The following SZT2 variants were observed in gnomAD, a reference collection of about 807,000 sequenced individuals.
SZT2 encodes the protein SZT2 subunit of KICSTOR complex.
In SZT2, 216 loss-of-function variants were observed where a neutral mutation model predicts 404.2. That is an observed-to-expected ratio of 0.53 (90% CI 0.48 to 0.60). The LOEUF (loss-of-function observed/expected upper bound fraction) is 0.60, where lower values mean the gene tolerates loss of function less well. Among genes scored for constraint, SZT2 ranks in the 20% least tolerant of loss-of-function variants. SZT2 has a pLI of 0.00. For synonymous variants in SZT2, 1,693 were observed against 1,749.9 expected, an observed-to-expected ratio of 0.97 and a Z score of 0.81; for missense variants, 3,857 against 4,459.2, an observed-to-expected ratio of 0.86 and a Z score of 3.85.
chr1:43,439,156 A>T lies in SZT2; in HGVS notation c.6792+63A>T, dbSNP rs1373045053. The T allele has an allele frequency of 4.4e-6, 7 of 1,602,622 alleles. No homozygotes were observed. In the Admixed American group the frequency reaches 6.7e-5, roughly 15 times the overall value. ...CCCCTGCCCCCTGCCCCACGCACTT[A>T]CTCTTTCCTACCGATACCCCTATAT... is the stretch of plus-strand genomic sequence containing the variant. On this transcript the variant is annotated intron_variant, in intron 48 of 71. Coordinates refer to ENST00000634258, the MANE Select transcript of SZT2 (RefSeq NM_001365999.1). This position sits in a 1 kb window ranked among gnomAD's most constrained non-coding sequence, Gnocchi z 4.2.
intron 70 of SZT2, chr1:43,449,901 T>A (rs1023067370): frequency 3.1e-6 from 2 of 645,126 alleles, no homozygotes; most frequent in African/African-American, 3.6e-5. Context: ...CTCATTCTGA[T>A]GCAGCTCAGA....
chr1:43,424,811 C>T lies in SZT2; in HGVS notation c.2499C>T (p.Phe833=), dbSNP rs777334279. The T allele has an allele frequency of 5.3e-5, 86 of 1,613,938 alleles. No individual in the cohort carries two copies. The Admixed American group carries it at 1.1e-3, about 21-fold the overall frequency. The change falls in exon 17 of 72, where the codon TTC becomes TTT. Residue 833 remains phenylalanine, a synonymous_variant. Transcript: ENST00000634258. The surrounding 1 kb of genome is among the most constrained non-coding windows in gnomAD (Gnocchi z 4.1). Reference sequence around the variant, plus strand: ...TCCGACTTTCTGAAGGATTCCACTTCGCCTGCAGTGGGGAAGGAATCATCA... The same window carrying T: ...TCCGACTTTCTGAAGGATTCCACTTTGCCTGCAGTGGGGAAGGAATCATCA... The part of the protein sequence containing the change: ...TEVRLSEGFH[F]ACSGEGIINM...
chr1:43,454,125 GT>G lies in SZT2; in HGVS notation c.*3647del. 1 of 872,034 alleles carries G rather than the reference GT, an allele frequency of 1.1e-6. No individual in the cohort carries two copies. Among genetic ancestry groups the G allele is most frequent in the South Asian group, 5.5e-5 (1 of 18,086 alleles). The allele number at this position is 872,034 out of a possible 1,614,324, so 54.0% of individuals were successfully genotyped here. A position where few individuals can be genotyped will look rare whatever the true frequency, so the allele number is the denominator to read the frequency against. ...AGAGAGCTGGCTGCCCGAGGGCCCG[GT>G]TGCAATGATGGGACGCGCACTTTAA... On this transcript the variant is annotated 3_prime_UTR_variant, in exon 72 of 72. Coordinates refer to ENST00000634258, the MANE Select transcript of SZT2 (RefSeq NM_001365999.1).
chr1:43,440,312 C>A, intron 51 of SZT2, 141 bp from the exon 52 acceptor site: 1 of 1,327,552 alleles, frequency 7.5e-7, no homozygotes, highest in Non-Finnish European at 1.0e-6. Context: ...CATGCAGCAG[C>A]ACACTATCAG....
Position 43,419,809 on chromosome 1 carries a change from G to A in SZT2, c.955G>A (p.Ala319Thr). Residue 319 changes from alanine to threonine, a missense_variant, in exon 8 of 72, where the codon GCA becomes ACA. Transcript: ENST00000634258. ...NVELMKFIAM[A>T]TFGSYLSTCP... Reference sequence around the variant, plus strand: ...GGAATTAATGAAGTTCATCGCAATGGCAACATTTGGGTCCTACCTGTCCAC... The same window carrying A: ...GGAATTAATGAAGTTCATCGCAATGACAACATTTGGGTCCTACCTGTCCAC... The A allele has an allele frequency of 6.3e-7, 1 of 1,598,474 alleles. No individual in the cohort carries two copies. The highest frequency in any genetic ancestry group is 8.5e-7 in the Non-Finnish European group (1 of 1,179,810).
At position 43,453,631 on chromosome 1, in the gene SZT2, C is replaced by G. The variant is rs749053928; in HGVS notation, c.*3151C>G. 1 of 1,494,632 alleles carries G rather than the reference C, an allele frequency of 6.7e-7. No individual in the cohort carries two copies. The allele number at this position is 1,494,632 out of a possible 1,614,324, so 92.6% of individuals were successfully genotyped here. On this transcript the variant is annotated 3_prime_UTR_variant, in exon 72 of 72. Coordinates refer to ENST00000634258, the MANE Select transcript of SZT2 (RefSeq NM_001365999.1). ...TTGATCAGTACAAGCCGCAGCCCCG[C>G]TTCTCGCGCGGCGCGCGCCAGCGCC...
At position 43,451,269 on chromosome 1, in the gene SZT2, TCCCA is replaced by T. The variant is rs779738884; in HGVS notation, c.*790_*793del. Reference sequence around the variant, plus strand: ...GCCAGCCTCTGGGTGGCCCCGCCTATCCCAGTATGAACGTAGCCAACTCAAGCCC... The same window carrying T: ...GCCAGCCTCTGGGTGGCCCCGCCTATGTATGAACGTAGCCAACTCAAGCCC... On this transcript the variant is annotated 3_prime_UTR_variant, in exon 72 of 72. Transcript: ENST00000634258. 8.9e-5 allele frequency: 144 copies of T among 1,613,934 alleles called. No individual in the cohort carries two copies. Among genetic ancestry groups the T allele is most frequent in the Non-Finnish European group, 1.2e-4 (136 of 1,180,022 alleles).
intron 65 of SZT2, 189 bp from the exon 66 acceptor site, chr1:43,446,764 TAC>T (rs1655720438): frequency 1.5e-6 from 1 of 649,626 alleles, no homozygotes; most frequent in Non-Finnish European, 2.6e-6. Context: ...TGGAGATAGT[TAC>T]AATACAGTAT....
At position 43,453,528 on chromosome 1, in the gene SZT2, T is replaced by C; in HGVS notation, c.*3048T>C. 1 of 1,532,016 alleles carries C rather than the reference T, an allele frequency of 6.5e-7. No individual in the cohort carries two copies. The allele number at this position is 1,532,016 out of a possible 1,614,324, so 94.9% of individuals were successfully genotyped here. ...GAGAGAACGGGCCTCAGCCCCCGGC[T>C]CGGACACTCCCCTGCCCGCGCCCCG... On this transcript the variant is annotated 3_prime_UTR_variant, in exon 72 of 72. Coordinates refer to ENST00000634258, the MANE Select transcript of SZT2 (RefSeq NM_001365999.1).
Position 43,441,180 on chromosome 1 carries a change from A to G in SZT2, c.7345-34A>G. 2 of 1,606,070 alleles carry G rather than the reference A, an allele frequency of 1.2e-6. No homozygotes were observed. The highest frequency in any genetic ancestry group is 1.7e-6 in the Non-Finnish European group (2 of 1,174,850). Reference sequence around the variant, plus strand: ...CCCATCCCACACCTTTCCTCTTCCCAGTAGCCCTTCCTCATTCACTGCATT... The same window carrying G: ...CCCATCCCACACCTTTCCTCTTCCCGGTAGCCCTTCCTCATTCACTGCATT... On this transcript the variant is annotated intron_variant, in intron 52 of 71. Coordinates refer to ENST00000634258, the MANE Select transcript of SZT2 (RefSeq NM_001365999.1). The surrounding 1 kb of genome is among the most constrained non-coding windows in gnomAD (Gnocchi z 4.8).
Position 43,404,400 on chromosome 1 carries a change from C to T in SZT2, c.348C>T (p.Ile116=). 6.2e-7 allele frequency: 1 copy of T among 1,613,612 alleles called. No individual in the cohort carries two copies. Among genetic ancestry groups the T allele is most frequent in the Non-Finnish European group, 8.5e-7 (1 of 1,179,806 alleles). The part of the protein sequence containing the change: ...TGIVDDSTGE[I]LFDEVFHALS... ...CTCAGGATGATTCCACAGGGGAGATCTTGTTTGATGAAGTTTTCCATGCCC... is the reference window on the plus strand; with the variant it reads ...CTCAGGATGATTCCACAGGGGAGATTTTGTTTGATGAAGTTTTCCATGCCC... Residue 116 remains isoleucine (I), a synonymous_variant, in exon 4 of 72, where the codon ATC becomes ATT. Coordinates refer to ENST00000634258, the MANE Select transcript of SZT2 (RefSeq NM_001365999.1).
chr1:43,434,163 C>T (rs1473093311), intron 40 of SZT2, among the ~76,000 whole-genome samples: 3 of 152,170 alleles, frequency 2.0e-5, no homozygotes, highest in Non-Finnish European at 4.4e-5. Flanking sequence ...AGCGTGGAGC[C>T]TCGGCATCCA....
rs143745300 is a variant in SZT2, at chr1:43,443,607, G to A, written c.8636G>A (p.Arg2879His). The change falls in exon 62 of 72, where the codon CGC (arginine) becomes CAC (histidine). Residue 2879 changes from arginine to histidine, a missense_variant. Arg to His is a conservative substitution (Grantham distance 29). Transcript: ENST00000634258. Reference sequence around the variant, plus strand: ...TCTTTACTCTCATAGCGGCGCCATCGCCCTGAGTCAGGGTCTGGGAGCCGA... The same window carrying A: ...TCTTTACTCTCATAGCGGCGCCATCACCCTGAGTCAGGGTCTGGGAGCCGA... ...SGPPDGQRRH[R>H]PESGSGSREA... 4.0e-5 allele frequency: 64 copies of A among 1,613,994 alleles called. No homozygotes were observed. The highest frequency in any genetic ancestry group is 1.1e-4 in the African/African-American group (8 of 74,936).
intron 41 of SZT2, 77 bp downstream of exon 41, chr1:43,434,562 G>T: frequency 8.2e-7 from 1 of 1,225,566 alleles, no homozygotes; most frequent in Non-Finnish European, 1.2e-6. Context: ...ATTTTCAGAG[G>T]CTATTGGTCC....
In SZT2 at chr1:43,446,269, A is replaced by G. The variant is rs1383583680; in HGVS notation, c.8997+10A>G. On this transcript the variant is annotated intron_variant, in intron 64 of 71. Transcript: ENST00000634258. ...GGAACTGGCATTCCAGGTAAGCAGG[A>G]GGAGCACTGAGTGGAGACAGCCAGA... 2 of 1,614,252 alleles carry G rather than the reference A, an allele frequency of 1.2e-6. No individual in the cohort carries two copies. Among genetic ancestry groups the G allele is most frequent in the Middle Eastern group, 1.6e-4 (1 of 6,062 alleles).
chr1:43,422,225 C>T lies in SZT2; in HGVS notation c.1769C>T (p.Thr590Ile), dbSNP rs1302084836. Residue 590 changes from threonine to isoleucine, a missense_variant and splice_region_variant, in exon 12 of 72, where the codon ACA becomes ATA. Around this residue, in one of 7 missense-constraint regions of SZT2, gnomAD observed 1,725 missense variants for 1,881.0 expected, o/e 0.92. Coordinates refer to ENST00000634258, the MANE Select transcript of SZT2 (RefSeq NM_001365999.1). ...CTGGTGCTAATCCTGGAGCATGACA[C>T]GTGGGTGCCCTTAGGGCTGGGCCAT... ...HRLVLILEHD[T>I]PIPKHLHTPG... The T allele has an allele frequency of 3.8e-6, 6 of 1,579,364 alleles. No homozygotes were observed. The highest frequency in any genetic ancestry group is 2.7e-5 in the African/African-American group (2 of 74,618).
chr1:43,439,669 GC>G lies in SZT2; in HGVS notation c.6948del (p.Ser2317ProfsTer17), dbSNP rs753888420. 1.2e-6 allele frequency: 2 copies of G among 1,613,258 alleles called. No homozygotes were observed. Among genetic ancestry groups the G allele is most frequent in the Non-Finnish European group, 1.7e-6 (2 of 1,179,574 alleles). On this transcript the variant is annotated frameshift_variant, in exon 50 of 72. Coordinates refer to ENST00000634258, the MANE Select transcript of SZT2 (RefSeq NM_001365999.1). LOFTEE classifies it high-confidence loss of function. This position sits in a 1 kb window ranked among gnomAD's most constrained non-coding sequence, Gnocchi z 4.2. ...GGAPLSLALW[P>X]PSSPGPPDPL... ...GGGCCCCCTTGTCACTGGCGTTGTG[GC>G]CCCCCTCCTCTCCGGGGCCCCCAGA...
In SZT2 at chr1:43,423,263, T is replaced by A. The variant is rs1294853073; in HGVS notation, c.2202T>A (p.Ser734=). The change falls in exon 15 of 72, where the codon TCT becomes TCA. Residue 734 remains serine (S), a synonymous_variant. Coordinates refer to ENST00000634258, the MANE Select transcript of SZT2 (RefSeq NM_001365999.1). The part of the protein sequence containing the change: ...PPVLGPQQAL[S]DRPCLVVLHK... ...TGCTGGGGCCACAGCAGGCCCTGTC[T>A]GACCGGCCCTGCCTTGTGGTCCTGC... is the stretch of plus-strand genomic sequence containing the variant. 1 of 1,574,950 alleles carries A rather than the reference T, an allele frequency of 6.3e-7. No homozygotes were observed. Among genetic ancestry groups the A allele is most frequent in the Non-Finnish European group, 8.6e-7 (1 of 1,168,088 alleles).
Position 43,437,069 on chromosome 1 carries a change from G to C in SZT2, c.6035-102G>C. The C allele has an allele frequency of 6.9e-7, 1 of 1,451,044 alleles. No individual in the cohort carries two copies. The highest frequency in any genetic ancestry group is 9.4e-7 in the Non-Finnish European group (1 of 1,058,506). 89.9% of individuals were successfully genotyped at this position (1,451,044 alleles called of 1,614,324 possible). On this transcript the variant is annotated intron_variant, in intron 42 of 71. Transcript: ENST00000634258. This position sits in a 1 kb window ranked among gnomAD's most constrained non-coding sequence, Gnocchi z 5.3. ...ATTTCTCTGCAATAGTCAGGGATGA[G>C]TCTGGAGGAGTGAGGACAAGTAGGC...
Sources: allele counts gnomAD v4.1 joint callset (sites outside exome capture counted in the v4.1 genomes callset), GRCh38; gene constraint gnomAD v4.1.1; regional missense constraint gnomAD v4.1.1; non-coding constraint Gnocchi (gnomAD v3.1); transcripts MANE v1.5; gene names NCBI Gene and HGNC (gene_info 2026-07-23, HGNC 2026-07-21).